The following SLC35F3 variants were observed in gnomAD, a reference collection of about 807,000 sequenced individuals.
The protein encoded by SLC35F3 is putative thiamine transporter SLC35F3.
A neutral mutation model predicts 49.9 loss-of-function variants in SLC35F3; 25 were observed. The ratio of observed to expected loss-of-function variants is 0.50; its 90% CI spans 0.37 to 0.70. The LOEUF (loss-of-function observed/expected upper bound fraction) is 0.70. Among genes scored for constraint, SLC35F3 ranks in the 30% least tolerant of loss-of-function variants. The probability of loss-of-function intolerance (pLI) is 0.00; values close to 1 mark genes in which losing one functional copy is unlikely to be tolerated. For synonymous variants in SLC35F3, 275 were observed against 265.4 expected (o/e 1.04, Z -0.35); for missense variants, 525 against 639.8 (o/e 0.82, Z 1.94).
chr1:233,961,369 GAGAGATCTTTCAGA>G (rs1036745178), intron 2 of SLC35F3, among the ~76,000 whole-genome samples: 12 of 151,558 alleles, frequency 7.9e-5, no homozygotes, highest in Non-Finnish European at 5.9e-5. Context: ...AGAGCTGCTT[GAGAGATCTTTCAGA>G]ACACTTGCGT....
intron 2 of SLC35F3, among the ~76,000 whole-genome samples, chr1:234,112,132 G>A (rs1665416227): frequency 6.6e-6 from 1 of 152,098 alleles, no homozygotes; most frequent in African/African-American, 2.4e-5. Context: ...CTTGAGCCCA[G>A]GAGTTCAAGA....
chr1:234,000,239 C>T (rs945288202), intron 2 of SLC35F3, among the ~76,000 whole-genome samples: 1 of 152,168 alleles, frequency 6.6e-6, no homozygotes, highest in Non-Finnish European at 1.5e-5. Context: ...ATTCCTAGTG[C>T]AATAAGCATG....
At chr1:234,019,534 T>C (rs1663859848) in intron 2 of SLC35F3, among the ~76,000 whole-genome samples, 1 of 152,162 alleles carries the variant, frequency 6.6e-6, no homozygotes, top group South Asian at 2.1e-4. Flanking sequence ...TCTCTCTTCC[T>C]TTGGGGACCT....
intron 2 of SLC35F3, among the ~76,000 whole-genome samples, chr1:234,228,575 A>G (rs1216535945): frequency 6.6e-6 from 1 of 152,260 alleles, no homozygotes; most frequent in Non-Finnish European, 1.5e-5. Flanking sequence ...GCATTGCACC[A>G]TACATAGCCC....
At chr1:233,993,026 G>A (rs1349886162) in intron 2 of SLC35F3, among the ~76,000 whole-genome samples, 1 of 152,104 alleles carries the variant, frequency 6.6e-6, no homozygotes, top group Admixed American at 6.5e-5. Context: ...TGAAATGCCC[G>A]TGCCTTGCCT....
At chr1:234,300,757 C>T (rs1165194381) in intron 3 of SLC35F3, among the ~76,000 whole-genome samples, 4 of 152,040 alleles carry the variant, frequency 2.6e-5, no homozygotes, top group Admixed American at 1.3e-4. Context: ...TAAGGGAAGG[C>T]CAGGGAAGAG....
intron 2 of SLC35F3, among the ~76,000 whole-genome samples, chr1:234,140,538 A>G (rs1279047090): frequency 1.1e-4 from 17 of 152,166 alleles, no homozygotes; most frequent in Non-Finnish European, 8.8e-5. Context: ...GTCTTGGAAC[A>G]TATCCCCATA....
At chr1:233,919,907 T>A (rs901925152) in intron 2 of SLC35F3, among the ~76,000 whole-genome samples, 1 of 152,156 alleles carries the variant, frequency 6.6e-6, no homozygotes, top group African/African-American at 2.4e-5. Context: ...AACAGGCTTC[T>A]CAATCTCCTT....
chr1:233,905,878 A>G, intron 2 of SLC35F3, 120 bp downstream of exon 2: 4 of 943,878 alleles, frequency 4.2e-6, no homozygotes, highest in South Asian at 3.3e-5. Flanking sequence ...CTGCCTGCTG[A>G]TACAGACCCA....
rs1469696566 is a variant in SLC35F3, at chr1:234,214,283, G to A, written c.284-17134G>A. On this transcript the variant is annotated intron_variant, in intron 2 of 7. Transcript: ENST00000366618. This position sits in a 1 kb window ranked among gnomAD's most constrained non-coding sequence, Gnocchi z 8.0. ...GTGTGTGTGGAGTGGCTGCGCGGCC[G>A]GGGAGGATGTGCGCTGCAGGGCGGC... is the stretch of plus-strand genomic sequence containing the variant. The A allele has an allele frequency of 4.7e-6, 6 of 1,274,046 alleles. No homozygotes were observed. Among genetic ancestry groups the A allele is most frequent in the Non-Finnish European group, 4.9e-6 (5 of 1,013,660 alleles). 78.9% of individuals were successfully genotyped at this position (1,274,046 alleles called of 1,614,324 possible).
chr1:233,943,094 A>G (rs1279501311), intron 2 of SLC35F3, among the ~76,000 whole-genome samples: 1 of 152,236 alleles, frequency 6.6e-6, no homozygotes, highest in African/African-American at 2.4e-5. Flanking sequence ...AAATGAATGG[A>G]GGCTAGATTT....
intron 3 of SLC35F3, among the ~76,000 whole-genome samples, chr1:234,273,629 C>T (rs1317521227): frequency 6.7e-6 from 1 of 150,134 alleles, no homozygotes; most frequent in African/African-American, 2.5e-5. Context: ...CAGGTGAAGG[C>T]TGGATGGCCT....
At chr1:234,180,589 G>T (rs1666542155) in intron 2 of SLC35F3, among the ~76,000 whole-genome samples, 1 of 152,150 alleles carries the variant, frequency 6.6e-6, no homozygotes, top group East Asian at 1.9e-4. Context: ...ATTTAGAATT[G>T]TCAGGTCACT....
At chr1:233,952,828 T>G (rs747990765) in intron 2 of SLC35F3, among the ~76,000 whole-genome samples, 1 of 152,074 alleles carries the variant, frequency 6.6e-6, no homozygotes, top group Non-Finnish European at 1.5e-5. Context: ...ATTTTGGGAG[T>G]TGAGGATTTT....
chr1:234,228,730 GGTGTGTGTATGT>G (rs1412042934), intron 2 of SLC35F3, among the ~76,000 whole-genome samples: 2 of 152,048 alleles, frequency 1.3e-5, no homozygotes, highest in South Asian at 4.2e-4. Context: ...TGCTGAGAGG[GGTGTGTGTATGT>G]GTGTGTGTCT....
chr1:234,266,282 C>A lies in SLC35F3; in HGVS notation c.608+34541C>A, dbSNP rs540181274. On this transcript the variant is annotated intron_variant, in intron 3 of 7. Transcript: ENST00000366618. ...GTAGAAAATGGGCAAAAGATTTTGA[C>A]CTGCATGTAGAAAAGACACAAATGG... is the stretch of plus-strand genomic sequence containing the variant. Among the ~76,000 whole-genome samples, 14 of 152,188 alleles carry A rather than the reference C, an allele frequency of 9.2e-5. No individual in the cohort carries two copies. In the South Asian group the frequency reaches 2.9e-3, roughly 32 times the overall value.
At chr1:234,109,081 A>G (rs1665366480) in intron 2 of SLC35F3, among the ~76,000 whole-genome samples, 1 of 151,806 alleles carries the variant, frequency 6.6e-6, no homozygotes, top group Admixed American at 6.6e-5. Flanking sequence ...AGCCCCACAC[A>G]CTGAGGCGTT....
At chr1:234,302,456 GAAGGC>G (rs1215797734) in intron 3 of SLC35F3, among the ~76,000 whole-genome samples, 4 of 152,168 alleles carry the variant, frequency 2.6e-5, no homozygotes, top group Non-Finnish European at 5.9e-5. Context: ...GGACAGTGAG[GAAGGC>G]AAGGTCATGG....
chr1:234,077,201 T>G (rs1664805860), intron 2 of SLC35F3, among the ~76,000 whole-genome samples: 1 of 151,306 alleles, frequency 6.6e-6, no homozygotes, highest in Admixed American at 6.6e-5. Flanking sequence ...AGACGGGGTT[T>G]CACCTTGTTA....
Sources: gnomAD v4.1 joint callset for allele counts (sites outside exome capture counted in the v4.1 genomes callset) on GRCh38, gnomAD v4.1.1 for gene constraint, Gnocchi (gnomAD v3.1) non-coding constraint, MANE v1.5 for transcripts, NCBI Gene and HGNC (gene_info 2026-07-23, HGNC 2026-07-21) for gene names.